The following CD2AP variants were observed in gnomAD, a reference collection of about 807,000 sequenced individuals.
CD2AP encodes the protein CD2-associated protein.
A neutral mutation model predicts 85.1 loss-of-function variants in CD2AP; 46 were observed. That is an observed-to-expected ratio of 0.54 (90% CI 0.43 to 0.69). The LOEUF is 0.69. Among genes scored for constraint, CD2AP ranks in the 30% least tolerant of loss-of-function variants. CD2AP has a pLI of 0.00. For synonymous variants in CD2AP, 255 were observed against 252.9 expected (o/e 1.01, Z -0.08); for missense variants, 769 against 729.5 (o/e 1.05, Z -0.62).
At chr6:47,556,785 A>ATGTG (rs373087810) in intron 5 of CD2AP, among the ~76,000 whole-genome samples, 1 of 152,036 alleles carries the variant, frequency 6.6e-6, no homozygotes, top group Non-Finnish European at 1.5e-5. Flanking sequence ...CATTAAACAT[A>ATGTG]TGTGTGTGTG....
At chr6:47,523,210 A>T (rs1042643429) in intron 2 of CD2AP, among the ~76,000 whole-genome samples, 8 of 152,098 alleles carry the variant, frequency 5.3e-5, no homozygotes, top group African/African-American at 1.9e-4. Context: ...TATAGAGAAC[A>T]TTTTGATGTT....
Position 47,582,033 on chromosome 6 carries a change from A to G in CD2AP, c.1076A>G (p.Lys359Arg). The G allele has an allele frequency of 6.2e-7, 1 of 1,608,952 alleles. No homozygotes were observed. Among genetic ancestry groups the G allele is most frequent in the Non-Finnish European group, 8.5e-7 (1 of 1,175,480 alleles). The change falls in exon 11 of 18, where the codon AAG becomes AGG. Residue 359 changes from lysine to arginine, a missense_variant. Coordinates refer to ENST00000359314, the MANE Select transcript of CD2AP (RefSeq NM_012120.3). Reference protein sequence around the residue: ...APKPELIAAEKKYFSLKPEEK... With the variant: ...APKPELIAAERKYFSLKPEEK... Reference sequence around the variant, plus strand: ...AAGCCTGAACTGATAGCTGCAGAGAAGAAATATTTTTCTTTAAAGCCTGAA... The same window carrying G: ...AAGCCTGAACTGATAGCTGCAGAGAGGAAATATTTTTCTTTAAAGCCTGAA...
intron 6 of CD2AP, among the ~76,000 whole-genome samples, chr6:47,576,323 T>G (rs1768311432): frequency 6.6e-6 from 1 of 152,196 alleles, no homozygotes; most frequent in Non-Finnish European, 1.5e-5. Context: ...AGACAAGGAA[T>G]CTTTAAATTG....
At chr6:47,521,001 G>C (rs929853322) in intron 2 of CD2AP, among the ~76,000 whole-genome samples, 14 of 151,924 alleles carry the variant, frequency 9.2e-5, no homozygotes, top group African/African-American at 3.4e-4. Context: ...TGAGGAACTT[G>C]CTCAGTTCCT....
intron 11 of CD2AP, among the ~76,000 whole-genome samples, chr6:47,590,326 A>G (rs750068203): frequency 4.6e-4 from 70 of 152,254 alleles, no homozygotes; most frequent in Admixed American, 2.9e-3. Flanking sequence ...GAATTTGTTT[A>G]CATATATAAG....
rs774015514 is a variant in CD2AP, at chr6:47,576,989, A to C, written c.809-20A>C. ...TGAATCCATTTGTGTGAGCCACATT[A>C]TTTACATTCTTTATTTCAGCTAAAG... On this transcript the variant is annotated intron_variant, in intron 7 of 17. Transcript: ENST00000359314. The C allele has an allele frequency of 1.6e-6, 2 of 1,219,566 alleles. No individual in the cohort carries two copies. Among genetic ancestry groups the C allele is most frequent in the South Asian group, 2.4e-5 (2 of 82,950 alleles). The allele number at this position is 1,219,566 out of a possible 1,614,324, so 75.5% of individuals were successfully genotyped here. A position where few individuals can be genotyped will look rare whatever the true frequency, so the allele number is the denominator to read the frequency against.
intron 12 of CD2AP, among the ~76,000 whole-genome samples, chr6:47,597,432 T>C (rs1292033825): frequency 6.7e-6 from 1 of 150,352 alleles, no homozygotes; most frequent in Non-Finnish European, 1.5e-5. Context: ...AGAGGCTTGA[T>C]GAGAGAATAA....
At chr6:47,594,608 A>G (rs993499076) in intron 11 of CD2AP, among the ~76,000 whole-genome samples, 3 of 152,070 alleles carry the variant, frequency 2.0e-5, no homozygotes, top group Non-Finnish European at 4.4e-5. Context: ...TTATAACTAC[A>G]AATAGCTTTA....
At chr6:47,565,148 A>T (rs1335193401) in intron 5 of CD2AP, among the ~76,000 whole-genome samples, 2 of 152,150 alleles carry the variant, frequency 1.3e-5, no homozygotes, top group African/African-American at 4.8e-5. Context: ...GAACTGTAGG[A>T]TAAAAGTTTT....
In CD2AP at chr6:47,595,788, T is replaced by C. The variant is rs1224557789; in HGVS notation, c.1109-73T>C. 6.8e-6 allele frequency: 9 copies of C among 1,330,626 alleles called. No homozygotes were observed. The Admixed American group carries it at 1.6e-4, about 23-fold the overall frequency. The allele number at this position is 1,330,626 out of a possible 1,614,324, so 82.4% of individuals were successfully genotyped here. ...CCTCTGTCACACTTTTCCAGCCTGA[T>C]ACAAACTTTTGGAAATAGAAAAACC... On this transcript the variant is annotated intron_variant, in intron 11 of 17. Transcript: ENST00000359314.
chr6:47,604,434 A>G (rs1769217155), intron 13 of CD2AP, among the ~76,000 whole-genome samples: 1 of 152,066 alleles, frequency 6.6e-6, no homozygotes, highest in South Asian at 2.1e-4. Context: ...TTGTAAATCT[A>G]TGTTTTATTT....
intron 1 of CD2AP, among the ~76,000 whole-genome samples, chr6:47,482,472 G>A (rs188076476): frequency 0.012 from 1,793 of 149,550 alleles, 19 homozygotes; most frequent in Non-Finnish European, 0.021. Flanking sequence ...TCCGCCTCCC[G>A]GGTTCAAGCA....
At chr6:47,566,193 G>A (rs1767988237) in intron 5 of CD2AP, among the ~76,000 whole-genome samples, 1 of 151,126 alleles carries the variant, frequency 6.6e-6, no homozygotes. Context: ...ACAGCAGAAA[G>A]TCCCCATTAT....
At chr6:47,513,059 TAAG>T (rs1288219012) in intron 2 of CD2AP, among the ~76,000 whole-genome samples, 1 of 152,006 alleles carries the variant, frequency 6.6e-6, no homozygotes, top group Non-Finnish European at 1.5e-5. Context: ...ATTTTCTAGG[TAAG>T]AAGAGCTGTA....
At chr6:47,567,907 A>T (rs1156527320) in intron 5 of CD2AP, among the ~76,000 whole-genome samples, 1 of 152,184 alleles carries the variant, frequency 6.6e-6, no homozygotes, top group Non-Finnish European at 1.5e-5. Context: ...ATGGAGAGTG[A>T]ATTGCAATGT....
chr6:47,535,382 C>T (rs1455322736), intron 3 of CD2AP, among the ~76,000 whole-genome samples: 1 of 152,150 alleles, frequency 6.6e-6, no homozygotes, highest in Non-Finnish European at 1.5e-5. Flanking sequence ...ATACATTTCC[C>T]AAATTGTAAT....
chr6:47,482,283 A>T (rs1429320879), intron 1 of CD2AP, among the ~76,000 whole-genome samples: 3 of 152,220 alleles, frequency 2.0e-5, no homozygotes, highest in Non-Finnish European at 4.4e-5. Flanking sequence ...TGAGTAGTTT[A>T]AATTTTGTAA....
At chr6:47,560,634 GAT>G (rs35762191) in intron 5 of CD2AP, among the ~76,000 whole-genome samples, 2,197 of 152,084 alleles carry the variant, frequency 0.014, 27 homozygotes, top group Non-Finnish European at 0.022. Context: ...ATGGAGTGAC[GAT>G]GTCTTATGTA....
At chr6:47,516,109 T>C (rs996704493) in intron 2 of CD2AP, among the ~76,000 whole-genome samples, 2 of 152,208 alleles carry the variant, frequency 1.3e-5, no homozygotes, top group African/African-American at 4.8e-5. Flanking sequence ...ATTAGGAAGT[T>C]CATTTTGTAA....
Sources: gnomAD v4.1 joint callset for allele counts (sites outside exome capture counted in the v4.1 genomes callset) on GRCh38, gnomAD v4.1.1 for gene constraint, MANE v1.5 for transcripts, NCBI Gene and HGNC (gene_info 2026-07-23, HGNC 2026-07-21) for gene names.